OTUD3: variants seen among roughly 807,000 people sequenced by gnomAD.
OTUD3 encodes the protein OTU domain-containing protein 3.
Under a neutral mutation model 46.2 loss-of-function variants are expected in OTUD3, and 24 were observed. The ratio of observed to expected loss-of-function variants is 0.52; its 90% confidence interval spans 0.38 to 0.73. OTUD3 has a LOEUF of 0.73. Ranked by LOEUF, OTUD3 falls within the 30% of genes least tolerant of loss-of-function variation. OTUD3 has a pLI of 0.00. For missense variants in OTUD3, 455 were observed against 523.3 expected, an observed-to-expected ratio of 0.87 and a Z score of 1.27; for synonymous variants, 189 against 195.4, an observed-to-expected ratio of 0.97 and a Z score of 0.27.
intron 2 of OTUD3, among the ~76,000 whole-genome samples, chr1:19,893,362 TC>T (rs1047657526): frequency 2.6e-5 from 4 of 152,100 alleles, no homozygotes; most frequent in African/African-American, 9.7e-5. Flanking sequence ...AGGATGCAGA[TC>T]AATACTACTA....
rs1447940303 is a variant in OTUD3, at chr1:19,882,553, G to T, written c.40G>T (p.Gly14Cys). 2.2e-6 allele frequency: 3 copies of T among 1,354,154 alleles called. No homozygotes were observed. Among genetic ancestry groups the T allele is most frequent in the Non-Finnish European group, 1.9e-6 (2 of 1,061,390 alleles). The allele number at this position is 1,354,154 out of a possible 1,614,324, so 83.9% of individuals were successfully genotyped here. ...KQAAKSRPGS[G>C]SRKAEAERKR... ...GGCGGCGAAGAGCCGGCCGGGCAGC[G>T]GCAGCCGGAAAGCCGAGGCCGAGCG... is the stretch of plus-strand genomic sequence containing the variant. Residue 14 changes from glycine (G) to cysteine (C), a missense_variant, in exon 1 of 8, where the codon GGC becomes TGC. Transcript: ENST00000375120.
intron 7 of OTUD3, 51 bp from the exon 8 acceptor site, chr1:19,907,519 C>T (rs766479955): frequency 1.3e-6 from 2 of 1,570,946 alleles, no homozygotes; most frequent in East Asian, 2.3e-5. Flanking sequence ...TAGCAGGTGG[C>T]AGCTTGAGTC....
Position 19,910,303 on chromosome 1 carries a change from T to C in OTUD3, c.*2557T>C, listed in dbSNP as rs1157673377. Reference sequence around the variant, plus strand: ...ATGAGATTGTCTTGGTAGCTTGTAGTGTGGTCAGGAGAAAGGGGATGGAGC... The same window carrying C: ...ATGAGATTGTCTTGGTAGCTTGTAGCGTGGTCAGGAGAAAGGGGATGGAGC... On this transcript the variant is annotated 3_prime_UTR_variant, in exon 8 of 8. Transcript: ENST00000375120. The C allele has an allele frequency of 6.6e-6, 1 of 152,330 alleles. No homozygotes were observed. Among genetic ancestry groups the C allele is most frequent in the Non-Finnish European group, 1.5e-5 (1 of 68,036 alleles). 9.4% of individuals were successfully genotyped at this position (152,330 alleles called of 1,614,324 possible).
At chr1:19,899,391 T>C (rs781429962) in intron 4 of OTUD3, among the ~76,000 whole-genome samples, 1 of 152,236 alleles carries the variant, frequency 6.6e-6, no homozygotes, top group Non-Finnish European at 1.5e-5. Context: ...CATCCTGCAC[T>C]GTGCTTTTTA....
rs563040825 is a variant in OTUD3 at position 19,912,096 on chromosome 1, T to C, written c.*4350T>C. 2.0e-5 allele frequency: 3 copies of C among 152,376 alleles called. No individual in the cohort carries two copies. Among genetic ancestry groups the C allele is most frequent in the Non-Finnish European group, 4.4e-5 (3 of 68,048 alleles). The allele number at this position is 152,376 out of a possible 1,614,324, so 9.4% of individuals were successfully genotyped here. On this transcript the variant is annotated 3_prime_UTR_variant, in exon 8 of 8. Transcript: ENST00000375120. ...TGTAAAGAATCTATTTCTGTAAAACTACGAACTTTTGCATAGGGAATTTAT... is the reference window on the plus strand; with the variant it reads ...TGTAAAGAATCTATTTCTGTAAAACCACGAACTTTTGCATAGGGAATTTAT...
chr1:19,893,073 C>T (rs139579794), intron 2 of OTUD3, among the ~76,000 whole-genome samples: 2 of 152,282 alleles, frequency 1.3e-5, no homozygotes, highest in African/African-American at 4.8e-5. Context: ...TTAACTCTTC[C>T]TTGTCCTTTG....
intron 2 of OTUD3, 148 bp downstream of exon 2, chr1:19,890,681 T>TC (rs2045434146): frequency 1.3e-6 from 1 of 745,144 alleles, no homozygotes; most frequent in Admixed American, 2.2e-5. Context: ...CCTACTTGGT[T>TC]ATCGGCAGTA....
intron 6 of OTUD3, among the ~76,000 whole-genome samples, 183 bp downstream of exon 6, chr1:19,905,170 T>C (rs1262554949): frequency 2.0e-5 from 3 of 152,018 alleles, no homozygotes; most frequent in Admixed American, 2.0e-4. Context: ...AGGGGGAGTA[T>C]AGTTCAGGGG....
In OTUD3 at chr1:19,911,105, G is replaced by A. The variant is rs1431014360; in HGVS notation, c.*3359G>A. 6.6e-6 allele frequency: 1 copy of A among 152,324 alleles called. No homozygotes were observed. Among genetic ancestry groups the A allele is most frequent in the African/African-American group, 2.4e-5 (1 of 41,426 alleles). The allele number at this position is 152,324 out of a possible 1,614,324, so 9.4% of individuals were successfully genotyped here. ...TACCCTGACCAAAAGGATCTCTGCGGGGGGAAGAGAATGGAGCTTCCTGAT... is the reference window on the plus strand; with the variant it reads ...TACCCTGACCAAAAGGATCTCTGCGAGGGGAAGAGAATGGAGCTTCCTGAT... On this transcript the variant is annotated 3_prime_UTR_variant, in exon 8 of 8. Transcript: ENST00000375120.
chr1:19,887,714 C>A (rs2100248201), intron 1 of OTUD3, among the ~76,000 whole-genome samples: 1 of 149,628 alleles, frequency 6.7e-6, no homozygotes, highest in African/African-American at 2.4e-5. Context: ...GATCACGTCC[C>A]CCTGAGCCTT....
chr1:19,900,724 T>C (rs553775045), intron 4 of OTUD3, among the ~76,000 whole-genome samples: 3 of 152,330 alleles, frequency 2.0e-5, no homozygotes, highest in East Asian at 3.9e-4. Flanking sequence ...TCTGGTCCAC[T>C]GATCTCCCTG....
At chr1:19,885,703 C>T (rs1234186702) in intron 1 of OTUD3, among the ~76,000 whole-genome samples, 3 of 152,242 alleles carry the variant, frequency 2.0e-5, no homozygotes, top group Non-Finnish European at 2.9e-5. Flanking sequence ...ATCCATCCGC[C>T]TTGGCCTCCC....
At chr1:19,906,403 A>G in intron 6 of OTUD3, 29 bp from the exon 7 acceptor site, 1 of 1,605,530 alleles carries the variant, frequency 6.2e-7, no homozygotes, top group Non-Finnish European at 8.5e-7. Context: ...TCAGGTTCTC[A>G]GTTTTAATGA....
chr1:19,912,739 C>G lies in OTUD3; in HGVS notation c.*4993C>G, dbSNP rs1054962642. 1.3e-5 allele frequency: 2 copies of G among 152,348 alleles called. No individual in the cohort carries two copies. The highest frequency in any genetic ancestry group is 2.9e-5 in the Non-Finnish European group (2 of 68,028). The allele number at this position is 152,348 out of a possible 1,614,324, so 9.4% of individuals were successfully genotyped here. A position where few individuals can be genotyped will look rare whatever the true frequency, so the allele number is the denominator to read the frequency against. On this transcript the variant is annotated 3_prime_UTR_variant, in exon 8 of 8. Transcript: ENST00000375120. The stretch of plus-strand genomic sequence containing the variant: ...ATAGTTCCTTCCCCCTAGATTGTTT[C>G]TTTCCACGGATTGTGTTCATCTGAA...
At position 19,904,931 on chromosome 1, in the gene OTUD3, A is replaced by G. The variant is rs186008071; in HGVS notation, c.779A>G (p.Tyr260Cys). 5 of 1,597,690 alleles carry G rather than the reference A, an allele frequency of 3.1e-6. No individual in the cohort carries two copies. The highest frequency in any genetic ancestry group is 4.3e-6 in the Non-Finnish European group (5 of 1,165,912). Residue 260 changes from tyrosine (Y) to cysteine (C), a missense_variant, in exon 6 of 8, where the codon TAT (tyrosine) becomes TGT (cysteine). Coordinates refer to ENST00000375120, the MANE Select transcript of OTUD3 (RefSeq NM_015207.2). Reference protein sequence around the residue: ...LIVQNLEAENYNIESAIIAVL... With the variant: ...LIVQNLEAENCNIESAIIAVL... ...GTCCAGAACCTGGAAGCTGAAAATT[A>G]TAATATTGAATCTGCAATAATTGCC... is the stretch of plus-strand genomic sequence containing the variant.
At chr1:19,897,502 C>A in intron 3 of OTUD3, 38 bp from the exon 4 acceptor site, 1 of 1,610,358 alleles carries the variant, frequency 6.2e-7, no homozygotes, top group South Asian at 1.1e-5. Flanking sequence ...TGATAGTGTT[C>A]AGATCCTCAC....
intron 4 of OTUD3, among the ~76,000 whole-genome samples, chr1:19,901,225 A>G (rs2045585332): frequency 6.6e-6 from 1 of 152,076 alleles, no homozygotes; most frequent in Non-Finnish European, 1.5e-5. Context: ...GAGTTTTTTA[A>G]AATTGGAATC....
Position 19,882,404 on chromosome 1 carries a change from T to C in OTUD3, c.-110T>C, listed in dbSNP as rs540229177. The C allele has an allele frequency of 5.1e-5, 66 of 1,299,692 alleles. No individual in the cohort carries two copies. In the East Asian group the frequency reaches 1.8e-3, roughly 35 times the overall value. The allele number at this position is 1,299,692 out of a possible 1,614,324, so 80.5% of individuals were successfully genotyped here. ...CGGCGCAGGCGCGGTTGCTGCGTAGTCGTCGCCGGGCTCCGTTGCCCGCGC... is the reference window on the plus strand; with the variant it reads ...CGGCGCAGGCGCGGTTGCTGCGTAGCCGTCGCCGGGCTCCGTTGCCCGCGC... On this transcript the variant is annotated 5_prime_UTR_variant, in exon 1 of 8. Transcript: ENST00000375120.
chr1:19,905,525 G>A (rs2045648149), intron 6 of OTUD3, among the ~76,000 whole-genome samples: 1 of 151,638 alleles, frequency 6.6e-6, no homozygotes. Context: ...GGTGGATCAC[G>A]AGGTCAGGAG....
Sources: gnomAD v4.1 joint callset for allele counts (sites outside exome capture counted in the v4.1 genomes callset) on GRCh38, gnomAD v4.1.1 for gene constraint, MANE v1.5 for transcripts, NCBI Gene and HGNC (gene_info 2026-07-23, HGNC 2026-07-21) for gene names.